KDM4B: variants seen among roughly 807,000 people sequenced by gnomAD.
KDM4B encodes the protein lysine demethylase 4B.
Under a neutral mutation model 125.2 loss-of-function variants are expected in KDM4B, and 32 were observed. That is an observed-to-expected ratio of 0.26 (90% confidence interval 0.19 to 0.34). The LOEUF is 0.34. KDM4B is among the 10% of genes least tolerant of loss of function. KDM4B has a pLI of 1.00. For missense variants in KDM4B, 1,190 were observed against 1,577.7 expected (o/e 0.75, Z 4.16); for synonymous variants, 721 against 677.9 (o/e 1.06, Z -0.99).
At chr19:5,019,733 GTTGGTGTGGGTGTTGGTGTGCAGGTA>G (rs1432398101) in intron 2 of KDM4B, among the ~76,000 whole-genome samples, 1 of 147,194 alleles carries the variant, frequency 6.8e-6, no homozygotes, top group African/African-American at 2.5e-5. Flanking sequence ...AGGTGTGGGT[GTTGGTGTGGGTGTTGGTGTGCAGGTA>G]TTGGTGTGGA....
chr19:5,142,523 TGCTGGGCACCAGCCTGCCCCGGG>T lies in KDM4B; in HGVS notation c.2551-1437_2551-1415del, dbSNP rs1179448359. Among the ~76,000 whole-genome samples, 1 of 152,074 alleles carries T rather than the reference TGCTGGGCACCAGCCTGCCCCGGG, an allele frequency of 6.6e-6. No homozygotes were observed. Among genetic ancestry groups the T allele is most frequent in the African/African-American group, 2.4e-5 (1 of 41,396 alleles). ...GCTACCACGAGGCGGAAGGGGATGG[TGCTGGGCACCAGCCTGCCCCGGG>T]GCTGGGTTTCTCCTGGGCCTGGGCC... is the stretch of plus-strand genomic sequence containing the variant. On this transcript the variant is annotated intron_variant, in intron 18 of 22. Coordinates refer to ENST00000159111, the MANE Select transcript of KDM4B (RefSeq NM_015015.3). This position sits in a 1 kb window ranked among gnomAD's most constrained non-coding sequence, Gnocchi z 5.4.
At chr19:5,059,129 C>G (rs554949582) in intron 6 of KDM4B, among the ~76,000 whole-genome samples, 1 of 152,340 alleles carries the variant, frequency 6.6e-6, no homozygotes, top group East Asian at 1.9e-4. Context: ...GTTCTGAGCT[C>G]AGGGCCTGGT....
intron 11 of KDM4B, among the ~76,000 whole-genome samples, chr19:5,127,788 G>A (rs2039473968): frequency 6.6e-6 from 1 of 152,116 alleles, no homozygotes; most frequent in Non-Finnish European, 1.5e-5. Context: ...GGGGACGATG[G>A]TGGCCTCAGC....
chr19:5,079,187 A>G (rs1476968947), intron 8 of KDM4B: 1 of 152,114 alleles, frequency 6.6e-6, no homozygotes, highest in African/African-American at 2.4e-5. Context: ...TGACTCCCTC[A>G]TTTATTCTGC....
intron 1 of KDM4B, among the ~76,000 whole-genome samples, chr19:4,980,149 A>C (rs1470260889): frequency 2.6e-5 from 4 of 152,062 alleles, no homozygotes; most frequent in Non-Finnish European, 1.5e-5. Context: ...ACATTGACAC[A>C]GTTGTGCAAC....
intron 4 of KDM4B, among the ~76,000 whole-genome samples, chr19:5,040,464 A>G (rs978537406): frequency 1.3e-5 from 2 of 152,100 alleles, no homozygotes; most frequent in African/African-American, 4.8e-5. Flanking sequence ...ACACGGGTAC[A>G]CATGGCACAC....
intron 6 of KDM4B, among the ~76,000 whole-genome samples, chr19:5,056,124 C>G (rs555435678): frequency 3.4e-4 from 51 of 151,144 alleles, no homozygotes; most frequent in African/African-American, 1.1e-3. Flanking sequence ...AGAACGTCCC[C>G]TAATCTGTAT....
chr19:5,139,834 G>A (rs886892683), intron 18 of KDM4B, among the ~76,000 whole-genome samples: 2 of 152,230 alleles, frequency 1.3e-5, no homozygotes, highest in Admixed American at 6.5e-5. Flanking sequence ...GAGGCCCCCC[G>A]TAGATGCGCG....
chr19:5,126,555 C>A (rs2039452650), intron 11 of KDM4B, among the ~76,000 whole-genome samples: 1 of 152,248 alleles, frequency 6.6e-6, no homozygotes, highest in Non-Finnish European at 1.5e-5. Context: ...GCAGCCAGCC[C>A]CCAGCCCTTC....
intron 1 of KDM4B, among the ~76,000 whole-genome samples, chr19:4,972,838 C>T (rs401002): frequency 0.36 from 55,442 of 152,112 alleles, 10,659 homozygotes; most frequent in East Asian, 0.73. Flanking sequence ...TCCAGGGTGG[C>T]AGCTTCCACC....
At position 5,115,142 on chromosome 19, in the gene KDM4B, C is replaced by T. The variant is rs1468016235; in HGVS notation, c.1115+4324C>T. Among the ~76,000 whole-genome samples the T allele has an allele frequency of 2.0e-5, 3 of 152,186 alleles. No individual in the cohort carries two copies. Among genetic ancestry groups the T allele is most frequent in the African/African-American group, 2.4e-5 (1 of 41,446 alleles). On this transcript the variant is annotated intron_variant, in intron 10 of 22. Coordinates refer to ENST00000159111, the MANE Select transcript of KDM4B (RefSeq NM_015015.3). This position sits in a 1 kb window ranked among gnomAD's most constrained non-coding sequence, Gnocchi z 4.2. ...AACCAGGAGGACAGCCAGCAGGGAG[C>T]AGCTGGGCTGCACCATGGGGCCACA...
intron 1 of KDM4B, among the ~76,000 whole-genome samples, chr19:5,000,769 G>C (rs767715968): frequency 6.6e-6 from 1 of 152,078 alleles, no homozygotes; most frequent in Admixed American, 6.6e-5. Context: ...TTTGTGTTTT[G>C]GACAAGGATT....
chr19:5,023,994 A>T (rs943871623), intron 2 of KDM4B, among the ~76,000 whole-genome samples: 2 of 151,764 alleles, frequency 1.3e-5, no homozygotes, highest in Non-Finnish European at 2.9e-5. Flanking sequence ...CCAAGTGATC[A>T]CCCACCTTGG....
In KDM4B at chr19:5,041,312, G is replaced by T. The variant is rs1599480698; in HGVS notation, c.432+61G>T. Reference sequence around the variant, plus strand: ...CTTCCTGGTGGGTGGTGGTGGGAGGGCCCTGAACGGGACTCTGCCTTGGCA... The same window carrying T: ...CTTCCTGGTGGGTGGTGGTGGGAGGTCCCTGAACGGGACTCTGCCTTGGCA... On this transcript the variant is annotated intron_variant, in intron 5 of 22. Transcript: ENST00000159111. 5.4e-6 allele frequency: 7 copies of T among 1,296,640 alleles called. No homozygotes were observed. In the East Asian group the frequency reaches 1.4e-4, roughly 26 times the overall value. 80.3% of individuals were successfully genotyped at this position (1,296,640 alleles called of 1,614,324 possible).
chr19:5,109,804 C>T (rs761419037), intron 9 of KDM4B, among the ~76,000 whole-genome samples: 1 of 152,224 alleles, frequency 6.6e-6, no homozygotes, highest in Non-Finnish European at 1.5e-5. Flanking sequence ...GAGGAGGGGC[C>T]GTTGTCACAT....
intron 10 of KDM4B, among the ~76,000 whole-genome samples, chr19:5,113,570 C>T (rs577404645): frequency 6.6e-5 from 10 of 152,114 alleles, no homozygotes; most frequent in African/African-American, 1.2e-4. Context: ...CAGGCTGGAT[C>T]GGGAGACACA....
chr19:5,129,126 A>T (rs1449855955), intron 11 of KDM4B, among the ~76,000 whole-genome samples: 2 of 152,156 alleles, frequency 1.3e-5, no homozygotes, highest in African/African-American at 2.4e-5. Flanking sequence ...CCTGCCAAGG[A>T]CACCGTGGGC....
chr19:5,113,873 C>T, intron 10 of KDM4B: 8 of 985,242 alleles, frequency 8.1e-6, no homozygotes, highest in Non-Finnish European at 9.6e-6. Context: ...GGATGGCCCT[C>T]ATGTGTTTAC....
At chr19:5,125,064 AT>A (rs2039425876) in intron 11 of KDM4B, among the ~76,000 whole-genome samples, 1 of 149,506 alleles carries the variant, frequency 6.7e-6, no homozygotes, top group Admixed American at 6.7e-5. Flanking sequence ...AACTCCGCTC[AT>A]TTTTCAAAAT....
Sources: allele counts gnomAD v4.1 joint callset (sites outside exome capture counted in the v4.1 genomes callset), GRCh38; gene constraint gnomAD v4.1.1; non-coding constraint Gnocchi (gnomAD v3.1); transcripts MANE v1.5; gene names NCBI Gene and HGNC (gene_info 2026-07-23, HGNC 2026-07-21).